Variants in PYROXD1 observed in about 807,000 individuals in gnomAD.
PYROXD1 encodes pyridine nucleotide-disulphide oxidoreductase domain 1.
A neutral mutation model predicts 62.0 loss-of-function variants in PYROXD1; 42 were observed. That is an observed-to-expected ratio of 0.68 (90% CI 0.53 to 0.88). The LOEUF is 0.88. PYROXD1 is among the 40% of genes least tolerant of loss of function. PYROXD1 has a pLI of 0.00. For synonymous variants in PYROXD1, 170 were observed against 206.4 expected (o/e 0.82, Z 1.51); for missense variants, 493 against 604.8 (o/e 0.82, Z 1.94).
intron 4 of PYROXD1, among the ~76,000 whole-genome samples, chr12:21,451,650 G>A (rs1342921137): frequency 6.6e-6 from 1 of 150,724 alleles, no homozygotes; most frequent in Non-Finnish European, 1.5e-5. Context: ...AGTGCTTCCA[G>A]AGTCTGTGCT....
At chr12:21,459,463 G>C (rs934558169) in intron 7 of PYROXD1, among the ~76,000 whole-genome samples, 2 of 152,186 alleles carry the variant, frequency 1.3e-5, no homozygotes, top group Admixed American at 1.3e-4. Context: ...GTAAATGTAA[G>C]TAAAGTGTTT....
At chr12:21,464,685 C>G (rs1591957217) in intron 10 of PYROXD1, among the ~76,000 whole-genome samples, 1 of 150,380 alleles carries the variant, frequency 6.6e-6, no homozygotes, top group African/African-American at 2.4e-5. Context: ...ATATGTAGAT[C>G]TGTTGATATT....
chr12:21,459,761 C>T (rs1416903958), intron 7 of PYROXD1, among the ~76,000 whole-genome samples: 1 of 152,208 alleles, frequency 6.6e-6, no homozygotes, highest in East Asian at 1.9e-4. Context: ...ACACCCCACA[C>T]ACATTTGGTC....
rs186682069 is a variant in PYROXD1 at position 21,461,244 on chromosome 12, G to A, written c.880+90G>A. ...GCTGTGTTCTATTAAAAATAACTTC[G>A]TATTTCCATATAAAATTTAAACATG... On this transcript the variant is annotated intron_variant, in intron 8 of 11. Coordinates refer to ENST00000240651, the MANE Select transcript of PYROXD1 (RefSeq NM_024854.5). 2.6e-3 allele frequency: 2,062 copies of A among 790,916 alleles called. 7 individuals carry two copies. The highest frequency in any genetic ancestry group is 3.4e-3 in the Non-Finnish European group (1,875 of 544,932). 49.0% of individuals were successfully genotyped at this position (790,916 alleles called of 1,614,324 possible). A position where few individuals can be genotyped will look rare whatever the true frequency, so the allele number is the denominator to read the frequency against.
chr12:21,461,602 T>G (rs1351349665), intron 8 of PYROXD1, among the ~76,000 whole-genome samples: 1 of 152,210 alleles, frequency 6.6e-6, no homozygotes, highest in East Asian at 1.9e-4. Context: ...TGTTCTGAAT[T>G]CTTTGAATTT....
chr12:21,448,352 T>G (rs1211785139), intron 3 of PYROXD1: 1 of 272,512 alleles, frequency 3.7e-6, no homozygotes, highest in African/African-American at 2.2e-5. Flanking sequence ...GAATTAGAGA[T>G]AGTATGTTTT....
intron 7 of PYROXD1, among the ~76,000 whole-genome samples, chr12:21,457,630 G>C (rs1942622229): frequency 2.0e-5 from 3 of 151,992 alleles, no homozygotes; most frequent in Admixed American, 6.6e-5. Flanking sequence ...TGACTGGGGA[G>C]GCCTCAGGAA....
At chr12:21,443,752 T>A (rs1942338311) in intron 2 of PYROXD1, among the ~76,000 whole-genome samples, 1 of 152,178 alleles carries the variant, frequency 6.6e-6, no homozygotes. Context: ...AATATCCTGA[T>A]AATGGAATAT....
Position 21,467,553 on chromosome 12 carries a change from G to C in PYROXD1, c.1189G>C (p.Asp397His). Residue 397 changes from aspartate to histidine, a missense_variant, in exon 11 of 12, where the codon GAC (aspartate) becomes CAC (histidine). Asp to His is a moderately conservative substitution (Grantham distance 81). Coordinates refer to ENST00000240651, the MANE Select transcript of PYROXD1 (RefSeq NM_024854.5). Reference sequence around the variant, plus strand: ...GTGCATGGCTGCAGCGAGTTCAGGAGACTCTATTGACATGGATTTCAGCTT... The same window carrying C: ...GTGCATGGCTGCAGCGAGTTCAGGACACTCTATTGACATGGATTTCAGCTT... ...AKCMAAASSG[D>H]SIDMDFSFEL... The C allele has an allele frequency of 1.9e-6, 3 of 1,612,180 alleles. No homozygotes were observed. Among genetic ancestry groups the C allele is most frequent in the Non-Finnish European group, 2.5e-6 (3 of 1,178,830 alleles).
At chr12:21,461,978 G>A (rs1298249398) in intron 8 of PYROXD1, 30 bp from the exon 9 acceptor site, 7 of 1,386,198 alleles carry the variant, frequency 5.0e-6, no homozygotes, top group African/African-American at 1.4e-5. Flanking sequence ...TACAAATAAA[G>A]TCTGTTTTTT....
At chr12:21,456,536 A>G (rs1229959081) in intron 7 of PYROXD1, among the ~76,000 whole-genome samples, 4 of 152,204 alleles carry the variant, frequency 2.6e-5, no homozygotes, top group Non-Finnish European at 4.4e-5. Flanking sequence ...GTTAATTTAA[A>G]GATACTTTAT....
At chr12:21,462,630 T>C (rs1356639822) in intron 9 of PYROXD1, 110 bp from the exon 10 acceptor site, 1 of 1,255,020 alleles carries the variant, frequency 8.0e-7, no homozygotes, top group Non-Finnish European at 1.1e-6. Flanking sequence ...CATTTTCTCA[T>C]TAAAGATGAG....
In PYROXD1 at chr12:21,462,737, T is replaced by G. The variant is rs201240735; in HGVS notation, c.994-3T>G. ...CTTAACGCTTATGAGGAATGTTGTT[T>G]AGTTTGATCTAGGAGAAGATGGTGG... is the stretch of plus-strand genomic sequence containing the variant. On this transcript the variant is annotated splice_region_variant and splice_polypyrimidine_tract_variant and intron_variant, in intron 9 of 11. Transcript: ENST00000240651. The G allele has an allele frequency of 6.2e-7, 1 of 1,613,628 alleles. No homozygotes were observed. The highest frequency in any genetic ancestry group is 8.5e-7 in the Non-Finnish European group (1 of 1,179,818).
chr12:21,437,801 C>G lies in PYROXD1; in HGVS notation c.71C>G (p.Thr24Ser). The G allele has an allele frequency of 1.2e-6, 2 of 1,612,692 alleles. No homozygotes were observed. The part of the protein sequence containing the change: ...VVVGGGIAGV[T>S]CAEQLATHFP... ...GTCGGCGGCGGCATCGCGGGCGTCA[C>G]TTGTGCGGAGCAGGTAGGGCGGTGC... The change falls in exon 1 of 12, where the codon ACT becomes AGT. Residue 24 changes from threonine to serine, a missense_variant. Coordinates refer to ENST00000240651, the MANE Select transcript of PYROXD1 (RefSeq NM_024854.5).
At position 21,471,159 on chromosome 12, in the gene PYROXD1, A is replaced by G. The variant is rs1431861833; in HGVS notation, c.*2405A>G. 1.3e-5 allele frequency: 19 copies of G among 1,455,676 alleles called. No homozygotes were observed. Among genetic ancestry groups the G allele is most frequent in the Admixed American group, 2.6e-5 (1 of 39,084 alleles). The allele number at this position is 1,455,676 out of a possible 1,614,324, so 90.2% of individuals were successfully genotyped here. On this transcript the variant is annotated 3_prime_UTR_variant, in exon 12 of 12. Transcript: ENST00000240651. Reference sequence around the variant, plus strand: ...TGAAGGAATCACGGAAAACAAATTTATAAAAGAAATAACTATATGCGCAGT... The same window carrying G: ...TGAAGGAATCACGGAAAACAAATTTGTAAAAGAAATAACTATATGCGCAGT...
intron 10 of PYROXD1, among the ~76,000 whole-genome samples, chr12:21,463,737 C>CT (rs1942741693): frequency 6.6e-6 from 1 of 151,438 alleles, no homozygotes; most frequent in South Asian, 2.1e-4. Context: ...TTTCCTGAGC[C>CT]TTAACAAGTC....
intron 10 of PYROXD1, 189 bp from the exon 11 acceptor site, chr12:21,467,292 G>A: frequency 2.1e-6 from 1 of 469,146 alleles, no homozygotes; most frequent in Non-Finnish European, 3.8e-6. Flanking sequence ...TTTAGAGGCA[G>A]TAATTTAGAT....
At chr12:21,440,311 T>C (rs1942269939) in intron 1 of PYROXD1, 57 bp from the exon 2 acceptor site, 2 of 958,494 alleles carry the variant, frequency 2.1e-6, no homozygotes. Flanking sequence ...CCAAACCATA[T>C]ATACCAGTAC....
At chr12:21,445,506 A>T (rs373583997) in intron 3 of PYROXD1, 40 bp downstream of exon 3, 231 of 1,528,916 alleles carry the variant, frequency 1.5e-4, no homozygotes, top group Admixed American at 4.7e-4. Context: ...TCCATTGTTG[A>T]ATCTTGATGA....
Sources: allele counts gnomAD v4.1 joint callset (sites outside exome capture counted in the v4.1 genomes callset), GRCh38; gene constraint gnomAD v4.1.1; transcripts MANE v1.5; gene names NCBI Gene and HGNC (gene_info 2026-07-23, HGNC 2026-07-21).